MCTP1: variants seen among roughly 807,000 people sequenced by gnomAD.
MCTP1 encodes the protein multiple C2 and transmembrane domain containing 1.
MCTP1 carries 69 observed loss-of-function variants against 120.6 expected under a neutral mutation model. The ratio of observed to expected loss-of-function variants is 0.57; its 90% CI spans 0.47 to 0.70. The LOEUF is 0.70. MCTP1 is among the 30% of genes least tolerant of loss of function. The pLI is 0.00. For synonymous variants in MCTP1, 529 were observed against 493.1 expected, an observed-to-expected ratio of 1.07 and a Z score of -0.96; for missense variants, 1,203 against 1,248.8, an observed-to-expected ratio of 0.96 and a Z score of 0.55.
intron 19 of MCTP1, among the ~76,000 whole-genome samples, chr5:94,772,113 T>A (rs974198946): frequency 6.6e-6 from 1 of 152,148 alleles, no homozygotes; most frequent in African/African-American, 2.4e-5. Context: ...TTCTTGGTTA[T>A]TTCTTGGTCT....
chr5:95,119,705 A>C (rs1758064830), intron 1 of MCTP1, among the ~76,000 whole-genome samples: 1 of 152,200 alleles, frequency 6.6e-6, no homozygotes, highest in East Asian at 1.9e-4. Flanking sequence ...CTAATACTGC[A>C]GAAATTCAAG....
intron 1 of MCTP1, among the ~76,000 whole-genome samples, chr5:95,121,837 C>T (rs1380093766): frequency 1.3e-5 from 2 of 149,070 alleles, no homozygotes; most frequent in Non-Finnish European, 3.0e-5. Flanking sequence ...ATCCGTACAT[C>T]TATAGTGAAT....
At chr5:94,792,261 C>G (rs1779144851) in intron 18 of MCTP1, 1 of 152,930 alleles carries the variant, frequency 6.5e-6, no homozygotes, top group Admixed American at 6.5e-5. Context: ...ACATCTATCC[C>G]ATGCTGTGCC....
At chr5:95,157,879 C>T (rs550643448) in intron 1 of MCTP1, among the ~76,000 whole-genome samples, 3 of 152,266 alleles carry the variant, frequency 2.0e-5, no homozygotes, top group South Asian at 4.1e-4. Flanking sequence ...TTTCCCATTA[C>T]GCCGGCAATG....
intron 10 of MCTP1, among the ~76,000 whole-genome samples, chr5:94,907,801 GAGA>G (rs1233737133): frequency 2.0e-5 from 3 of 151,526 alleles, no homozygotes; most frequent in Non-Finnish European, 4.4e-5. Context: ...AAAAAATAGA[GAGA>G]AGAAGGGATA....
rs565342523 is a variant in MCTP1, at chr5:95,084,415, G to T, written c.721-66931C>A. ...TTTTAATGAATACTCCAGTTTTTCA[G>T]TCTGGTTAAAGTGAATGCCAAAGAC... On this transcript the variant is annotated intron_variant, in intron 1 of 22. Coordinates refer to ENST00000515393, the MANE Select transcript of MCTP1 (RefSeq NM_024717.7). Among the ~76,000 whole-genome samples the T allele has an allele frequency of 7.9e-5, 12 of 152,028 alleles. No homozygotes were observed. The South Asian group carries it at 2.5e-3, about 32-fold the overall frequency.
intron 1 of MCTP1, among the ~76,000 whole-genome samples, chr5:95,261,798 T>C (rs1562286227): frequency 1.3e-5 from 2 of 152,206 alleles, no homozygotes; most frequent in African/African-American, 2.4e-5. Context: ...AGCCAATTTA[T>C]TGGGGGTGGA....
At chr5:95,154,194 GATATTT>G (rs1744839009) in intron 1 of MCTP1, 1 of 152,176 alleles carries the variant, frequency 6.6e-6, no homozygotes, top group African/African-American at 2.4e-5. Flanking sequence ...TCCAGGAACA[GATATTT>G]CACACACTGT....
chr5:95,146,278 T>G (rs1006878279), intron 1 of MCTP1, among the ~76,000 whole-genome samples: 1 of 152,146 alleles, frequency 6.6e-6, no homozygotes, highest in Admixed American at 6.5e-5. Flanking sequence ...GATCCTTTTT[T>G]TCCTTTGTTA....
At chr5:94,968,914 G>A (rs551055251) in intron 2 of MCTP1, among the ~76,000 whole-genome samples, 11 of 152,262 alleles carry the variant, frequency 7.2e-5, no homozygotes, top group East Asian at 5.8e-4. Flanking sequence ...GAAAGTATTC[G>A]CCCTACAGTA....
chr5:94,861,937 A>G (rs923904216), intron 17 of MCTP1, among the ~76,000 whole-genome samples: 5 of 151,744 alleles, frequency 3.3e-5, no homozygotes, highest in Admixed American at 2.0e-4. Flanking sequence ...GCCAGGAAAA[A>G]CACACCGAGG....
intron 1 of MCTP1, among the ~76,000 whole-genome samples, chr5:95,100,197 G>A (rs536625401): frequency 1.9e-3 from 296 of 151,806 alleles, no homozygotes; most frequent in Middle Eastern, 6.8e-3. Context: ...TGGGTGCAGC[G>A]CACCAGCATG....
chr5:94,772,498 AT>A (rs1254563741), intron 19 of MCTP1, among the ~76,000 whole-genome samples: 1 of 152,068 alleles, frequency 6.6e-6, no homozygotes, highest in Non-Finnish European at 1.5e-5. Flanking sequence ...CAATCTCCCT[AT>A]TTTAAGGTCA....
intron 1 of MCTP1, among the ~76,000 whole-genome samples, chr5:95,263,059 A>G (rs1758602657): frequency 6.6e-6 from 1 of 152,210 alleles, no homozygotes; most frequent in South Asian, 2.1e-4. Flanking sequence ...AAGCCTTATG[A>G]AAACATTATC....
chr5:94,804,079 A>G (rs1241637706), intron 17 of MCTP1, among the ~76,000 whole-genome samples: 1 of 152,224 alleles, frequency 6.6e-6, no homozygotes, highest in African/African-American at 2.4e-5. Flanking sequence ...GCCTAGTCCA[A>G]ACTGCTAACA....
intron 17 of MCTP1, among the ~76,000 whole-genome samples, chr5:94,845,919 T>C (rs1792223465): frequency 6.6e-6 from 1 of 152,050 alleles, no homozygotes; most frequent in Admixed American, 6.6e-5. Flanking sequence ...TCACTAATCA[T>C]TAGAGAAATG....
intron 1 of MCTP1, among the ~76,000 whole-genome samples, chr5:95,194,806 G>T (rs1750199987): frequency 6.6e-6 from 1 of 152,176 alleles, no homozygotes; most frequent in African/African-American, 2.4e-5. Flanking sequence ...ACATACAATG[G>T]AACCTTCCAA....
intron 6 of MCTP1, among the ~76,000 whole-genome samples, chr5:94,925,399 G>C (rs1411771772): frequency 2.6e-5 from 4 of 152,056 alleles, no homozygotes; most frequent in Non-Finnish European, 5.9e-5. Context: ...GTGAGGCAAA[G>C]TGACTGTTTT....
intron 1 of MCTP1, among the ~76,000 whole-genome samples, chr5:95,043,200 T>C (rs1842634454): frequency 6.6e-6 from 1 of 152,196 alleles, no homozygotes; most frequent in Admixed American, 6.6e-5. Flanking sequence ...CATTTAACAA[T>C]GCATAGTTCA....
Sources: gnomAD v4.1 joint callset for allele counts (sites outside exome capture counted in the v4.1 genomes callset) on GRCh38, gnomAD v4.1.1 for gene constraint, MANE v1.5 for transcripts, NCBI Gene and HGNC (gene_info 2026-07-23, HGNC 2026-07-21) for gene names.